ADAM20: variants seen among roughly 807,000 people sequenced by gnomAD.
The protein encoded by ADAM20 is disintegrin and metalloproteinase domain-containing protein 20.
For synonymous variants in ADAM20, 305 were observed against 310.2 expected, an observed-to-expected ratio of 0.98 and a Z score of 0.18; for missense variants, 871 against 883.2, an observed-to-expected ratio of 0.99 and a Z score of 0.18.
chr14:70,522,454 C>A lies in ADAM20; in HGVS notation c.*123G>T. On this transcript the variant is annotated 3_prime_UTR_variant, in exon 2 of 2. Coordinates refer to ENST00000256389, the MANE Select transcript of ADAM20 (RefSeq NM_003814.5). ...GCTGTGATAGCTAATGCTTGCAATC[C>A]TGACATGAAATGTCCATGAAGTTTT... The A allele has an allele frequency of 9.9e-7, 1 of 1,011,718 alleles. No homozygotes were observed. Among genetic ancestry groups the A allele is most frequent in the Non-Finnish European group, 1.4e-6 (1 of 711,966 alleles). The allele number at this position is 1,011,718 out of a possible 1,614,324, so 62.7% of individuals were successfully genotyped here.
rs369863100 is a variant in ADAM20 at position 70,526,369 on chromosome 14, G to A, written c.-176-1436C>T. Among the ~76,000 whole-genome samples the A allele has an allele frequency of 6.6e-5, 10 of 152,180 alleles. No individual in the cohort carries two copies. The East Asian group carries it at 7.7e-4, about 12-fold the overall frequency. The stretch of plus-strand genomic sequence containing the variant: ...TGTCCAGAACTAATGGATGGCCACC[G>A]GATGCCACAAGAGGAAATCAGGATC... On this transcript the variant is annotated intron_variant, in intron 1 of 1. Coordinates refer to ENST00000256389, the MANE Select transcript of ADAM20 (RefSeq NM_003814.5).
rs778220921 is a variant in ADAM20 at position 70,522,814 on chromosome 14, G to T, written c.1944C>A (p.Asn648Lys). 6.2e-7 allele frequency: 1 copy of T among 1,613,928 alleles called. No homozygotes were observed. The stretch of plus-strand genomic sequence containing the variant: ...CATGGTTGCAGTGACAGTGTTGTTT[G>T]TTGTTGCAGATTCCCCTCATGTTGC... Reference protein sequence around the residue: ...KTCNMRGICNNKQHCHCNHEW... With the variant: ...KTCNMRGICNKKQHCHCNHEW... The change falls in exon 2 of 2, where the codon AAC (asparagine) becomes AAA (lysine). Residue 648 changes from asparagine (N) to lysine (K), a missense_variant. By Grantham distance (94) the Asn-to-Lys change is moderately conservative. Transcript: ENST00000256389.
the ADAM20 span, among the ~76,000 whole-genome samples, chr14:70,540,651 G>A: frequency 5.9e-5 from 9 of 152,154 alleles, no homozygotes; most frequent in East Asian, 5.8e-4. Context: ...GTTTAATAAA[G>A]ATAGCTACAT....
At chr14:70,574,861 AT>A in the ADAM20 span, among the ~76,000 whole-genome samples, 52 of 152,258 alleles carry the variant, frequency 3.4e-4, no homozygotes, top group Admixed American at 8.5e-4. Context: ...ACCTTAAAAA[AT>A]AAGAAAATCC....
At chr14:70,577,113 T>C in the ADAM20 span, among the ~76,000 whole-genome samples, 3 of 152,184 alleles carry the variant, frequency 2.0e-5, no homozygotes, top group Non-Finnish European at 4.4e-5. Context: ...GAAGAGAATA[T>C]TTCCCAACTC....
rs61739470 is a variant in ADAM20, at chr14:70,524,705, C to A, written c.53G>T (p.Trp18Leu). ...AGAAATAGACAAAAACATCCCAAAC[C>A]AGAGCAGCAGAAGAGTGACCCTGAT... ...VHIRVTLLLL[W>L]FGMFLSISGH... The change falls in exon 2 of 2, where the codon TGG becomes TTG. Residue 18 changes from tryptophan to leucine, a missense_variant. Trp to Leu is a moderately conservative substitution (Grantham distance 61). Coordinates refer to ENST00000256389, the MANE Select transcript of ADAM20 (RefSeq NM_003814.5). The A allele has an allele frequency of 5.0e-6, 8 of 1,613,828 alleles. No homozygotes were observed. The highest frequency in any genetic ancestry group is 1.1e-5 in the South Asian group (1 of 91,076).
the ADAM20 span, among the ~76,000 whole-genome samples, chr14:70,563,346 T>C: frequency 6.6e-6 from 1 of 152,122 alleles, no homozygotes; most frequent in African/African-American, 2.4e-5. Context: ...AAAAAGTAGA[T>C]GTGTAGAGAT....
chr14:70,568,967 A>G, the ADAM20 span, among the ~76,000 whole-genome samples: 2 of 152,136 alleles, frequency 1.3e-5, no homozygotes, highest in Non-Finnish European at 2.9e-5. Flanking sequence ...CCTGAGAGAT[A>G]CTATACAACA....
At chr14:70,557,215 GA>G in the ADAM20 span, 2 of 152,152 alleles carry the variant, frequency 1.3e-5, no homozygotes, top group African/African-American at 4.8e-5. Flanking sequence ...CTTTGGAAGG[GA>G]TACAGTTGAT....
At chr14:70,545,602 A>G in the ADAM20 span, among the ~76,000 whole-genome samples, 1 of 152,234 alleles carries the variant, frequency 6.6e-6, no homozygotes. Context: ...ATTTCAAGAA[A>G]AAAAGAAGAG....
chr14:70,534,099 A>C (rs1883776799), intron 1 of ADAM20, among the ~76,000 whole-genome samples: 1 of 149,416 alleles, frequency 6.7e-6, no homozygotes, highest in Non-Finnish European at 1.5e-5. Context: ...AAAAAAAAAA[A>C]AAAAAAAAAC....
In ADAM20 at chr14:70,523,482, TG is replaced by T; in HGVS notation, c.1275del (p.Ile426TyrfsTer12). ...CAGGGATCTTTTGCACACTGCCGTATGGTTCCACAGTCACATTCCTCCCCTT... is the reference window on the plus strand; with the variant it reads ...CAGGGATCTTTTGCACACTGCCGTATGTTCCACAGTCACATTCCTCCCCTT... ...VEEGEECDCG[T>X]IRQCAKDPCC... On this transcript the variant is annotated frameshift_variant, in exon 2 of 2. Transcript: ENST00000256389. LOFTEE classifies it low-confidence loss of function (END_TRUNC). The T allele has an allele frequency of 6.2e-7, 1 of 1,614,100 alleles. No individual in the cohort carries two copies. Among genetic ancestry groups the T allele is most frequent in the Non-Finnish European group, 8.5e-7 (1 of 1,179,978 alleles).
At position 70,522,600 on chromosome 14, in the gene ADAM20, T is replaced by C. The variant is rs755231283; in HGVS notation, c.2158A>G (p.Ser720Gly). ...LHVLFKKRTK[S>G]KEDEEG ...TCTTATCCTTCTTCATCTTCTTTAC[T>C]TTTTGTGCGTTTCTTAAAAAGCACA... Residue 720 changes from serine to glycine, a missense_variant, in exon 2 of 2, where the codon AGT becomes GGT. Physicochemically the swap from Ser to Gly is moderately conservative, Grantham distance 56. Transcript: ENST00000256389. The C allele has an allele frequency of 1.2e-6, 2 of 1,610,424 alleles. No individual in the cohort carries two copies. The highest frequency in any genetic ancestry group is 1.7e-5 in the Admixed American group (1 of 59,222).
At chr14:70,553,091 T>C in the ADAM20 span, among the ~76,000 whole-genome samples, 75 of 36,214 alleles carry the variant, frequency 2.1e-3, no homozygotes, top group African/African-American at 8.2e-3. Flanking sequence ...TTCTCACTCA[T>C]AGGTGGGAAT....
the ADAM20 span, among the ~76,000 whole-genome samples, chr14:70,560,184 A>T: frequency 4.6e-5 from 7 of 152,240 alleles, no homozygotes; most frequent in African/African-American, 9.6e-5. Flanking sequence ...GTTGCCTGGA[A>T]TAACTGTTTG....
chr14:70,572,940 G>A, the ADAM20 span, among the ~76,000 whole-genome samples: 2 of 152,098 alleles, frequency 1.3e-5, no homozygotes, highest in South Asian at 2.1e-4. Flanking sequence ...AAAAATAGAT[G>A]TTGGTATGGC....
chr14:70,522,718 G>T lies in ADAM20; in HGVS notation c.2040C>A (p.Asn680Lys). Reference protein sequence around the residue: ...GSADSGPPPKNNMEGLNVMGK... With the variant: ...GSADSGPPPKKNMEGLNVMGK... ...CCATCACATTTAATCCTTCCATGTT[G>T]TTCTTAGGAGGTGGGCCACTATCAG... Residue 680 changes from asparagine to lysine, a missense_variant, in exon 2 of 2, where the codon AAC becomes AAA. By Grantham distance (94) the Asn-to-Lys change is moderately conservative. Coordinates refer to ENST00000256389, the MANE Select transcript of ADAM20 (RefSeq NM_003814.5). The T allele has an allele frequency of 6.2e-7, 1 of 1,614,014 alleles. No homozygotes were observed. The highest frequency in any genetic ancestry group is 8.5e-7 in the Non-Finnish European group (1 of 1,179,930).
At chr14:70,574,820 G>A in the ADAM20 span, among the ~76,000 whole-genome samples, 1 of 151,840 alleles carries the variant, frequency 6.6e-6, no homozygotes, top group Non-Finnish European at 1.5e-5. Context: ...TTTTTAAAAC[G>A]CAGCATATAT....
At chr14:70,528,356 G>A (rs1180052493) in intron 1 of ADAM20, among the ~76,000 whole-genome samples, 2 of 152,184 alleles carry the variant, frequency 1.3e-5, no homozygotes, top group African/African-American at 2.4e-5. Context: ...TGGTTGTGAG[G>A]AAATGGATCA....
Sources: gnomAD v4.1 joint callset for allele counts (sites outside exome capture counted in the v4.1 genomes callset) on GRCh38, gnomAD v4.1.1 for gene constraint, MANE v1.5 for transcripts, NCBI Gene and HGNC (gene_info 2026-07-23, HGNC 2026-07-21) for gene names.